Variants in GOSR2 observed in about 807,000 individuals in gnomAD.
GOSR2 encodes golgi SNAP receptor complex member 2, also known as 27 kDa Golgi SNARE protein.
Under a neutral mutation model 27.9 loss-of-function variants are expected in GOSR2, and 20 were observed. That is an observed-to-expected ratio of 0.72 (90% CI 0.50 to 1.04). The LOEUF is 1.04. Among genes scored for constraint, GOSR2 ranks in the 50% least tolerant of loss-of-function variants. The pLI is 0.00. For missense variants in GOSR2, 261 were observed against 270.5 expected (o/e 0.97, Z 0.25); for synonymous variants, 91 against 98.8 (o/e 0.92, Z 0.47).
At chr17:46,936,389 A>G (rs973444316) in intron 5 of GOSR2, 1 of 985,318 alleles carries the variant, frequency 1.0e-6, no homozygotes. Context: ...GCATCAGCAC[A>G]CCTCTTGCCA....
At chr17:46,947,346 C>T (rs898227556) in intron 6 of GOSR2, among the ~76,000 whole-genome samples, 3 of 152,174 alleles carry the variant, frequency 2.0e-5, no homozygotes, top group Non-Finnish European at 4.4e-5. Flanking sequence ...ACCTGAACTA[C>T]CCCTGCTCCC....
At chr17:46,932,631 A>C in intron 4 of GOSR2, 1 of 315,656 alleles carries the variant, frequency 3.2e-6, no homozygotes, top group Non-Finnish European at 5.9e-6. Context: ...GTGCATTAAG[A>C]TGTTTTTGCC....
At chr17:46,956,508 G>A (rs927639009) in intron 6 of GOSR2, among the ~76,000 whole-genome samples, 1 of 151,866 alleles carries the variant, frequency 6.6e-6, no homozygotes, top group Admixed American at 6.6e-5. Flanking sequence ...CTACTGGTTG[G>A]CCAGGCTAGT....
Position 46,940,927 on chromosome 17 carries a change from AGACCTTGGCCTAACAGTGT to A in GOSR2, c.*2171_*2189del. 2 of 1,306,614 alleles carry A rather than the reference AGACCTTGGCCTAACAGTGT, an allele frequency of 1.5e-6. No individual in the cohort carries two copies. The highest frequency in any genetic ancestry group is 2.0e-6 in the Non-Finnish European group (2 of 1,018,592). The allele number at this position is 1,306,614 out of a possible 1,614,324, so 80.9% of individuals were successfully genotyped here. On this transcript the variant is annotated 3_prime_UTR_variant, in exon 6 of 6. Coordinates refer to ENST00000640051, the MANE Select transcript of GOSR2 (RefSeq NM_004287.5). ...CTGCTTTCAGTGCCTGGTGAAAAAT[AGACCTTGGCCTAACAGTGT>A]GACTCTCTCCACCGCCTCAGTGTAG...
At chr17:46,954,236 T>A (rs181442125) in intron 6 of GOSR2, among the ~76,000 whole-genome samples, 1 of 152,354 alleles carries the variant, frequency 6.6e-6, no homozygotes, top group Non-Finnish European at 1.5e-5. Context: ...AGGGATCCAG[T>A]TTCAGCTTTC....
In GOSR2 at chr17:46,931,087, T is replaced by C; in HGVS notation, c.95-12T>C. 4 of 1,367,564 alleles carry C rather than the reference T, an allele frequency of 2.9e-6. No individual in the cohort carries two copies. The highest frequency in any genetic ancestry group is 4.2e-6 in the Non-Finnish European group (4 of 955,898). The allele number at this position is 1,367,564 out of a possible 1,614,324, so 84.7% of individuals were successfully genotyped here. A position where few individuals can be genotyped will look rare whatever the true frequency, so the allele number is the denominator to read the frequency against. ...CTTTTCCAGCAATTATTCTTTTTTC[T>C]TTTTTGTACAGTAGTAGAAAACGAA... is the stretch of plus-strand genomic sequence containing the variant. On this transcript the variant is annotated splice_polypyrimidine_tract_variant and intron_variant, in intron 2 of 5. Coordinates refer to ENST00000640051, the MANE Select transcript of GOSR2 (RefSeq NM_004287.5).
chr17:46,935,131 A>G lies in GOSR2; in HGVS notation c.439A>G (p.Ile147Val), dbSNP rs757363374. Reference sequence around the variant, plus strand: ...TGACCTCATTTTAGATGGGCACAATATTTTAGATGGACTGAGGACCCAGAG... The same window carrying G: ...TGACCTCATTTTAGATGGGCACAATGTTTTAGATGGACTGAGGACCCAGAG... ...MDDLILDGHN[I>V]LDGLRTQRLT... The change falls in exon 5 of 6, where the codon ATT (isoleucine) becomes GTT (valine). Residue 147 changes from isoleucine (I) to valine (V), a missense_variant. Physicochemically the swap from Ile to Val is conservative, Grantham distance 29. Transcript: ENST00000640051. 6.2e-7 allele frequency: 1 copy of G among 1,614,086 alleles called. No individual in the cohort carries two copies. Among genetic ancestry groups the G allele is most frequent in the South Asian group, 1.1e-5 (1 of 91,082 alleles).
chr17:46,927,582 G>T (rs927625712), intron 1 of GOSR2, among the ~76,000 whole-genome samples: 1 of 152,166 alleles, frequency 6.6e-6, no homozygotes, highest in African/African-American at 2.4e-5. Context: ...ACCTGAGGTG[G>T]CCTTTTTCTG....
chr17:46,929,619 T>C, intron 2 of GOSR2, 35 bp downstream of exon 2: 1 of 1,049,612 alleles, frequency 9.5e-7, no homozygotes, highest in Non-Finnish European at 1.5e-6. Context: ...GAGTCCTTTC[T>C]CTGATGACAG....
At chr17:46,961,694 AC>A (rs1306328743) in intron 6 of GOSR2, among the ~76,000 whole-genome samples, 2 of 152,228 alleles carry the variant, frequency 1.3e-5, no homozygotes, top group African/African-American at 4.8e-5. Context: ...TATGATGTGT[AC>A]CTAAAATATA....
intron 6 of GOSR2, among the ~76,000 whole-genome samples, chr17:46,958,952 G>A (rs977648849): frequency 6.6e-6 from 1 of 152,212 alleles, no homozygotes; most frequent in African/African-American, 2.4e-5. Context: ...AGCATGAGAT[G>A]GGAAATGCTT....
At chr17:46,946,398 T>C (rs1599125301), downstream of GOSR2, among the ~76,000 whole-genome samples, 1 of 141,362 alleles carries the variant, frequency 7.1e-6, no homozygotes, top group Admixed American at 7.1e-5. Context: ...GAGGCGGAGG[T>C]TGCAGTGAGC....
chr17:46,925,691 T>A (rs996958514), intron 1 of GOSR2, among the ~76,000 whole-genome samples: 2 of 152,188 alleles, frequency 1.3e-5, no homozygotes, highest in Non-Finnish European at 2.9e-5. Context: ...TGTAGCTGAG[T>A]TGACACAACA....
chr17:46,930,936 T>C (rs2087273255), intron 2 of GOSR2, 163 bp from the exon 3 acceptor site: 1 of 632,814 alleles, frequency 1.6e-6, no homozygotes. Context: ...ATTTACGGCC[T>C]AACTTGAATT....
At position 46,940,926 on chromosome 17, in the gene GOSR2, T is replaced by TA. The variant is rs1454997135; in HGVS notation, c.*2167dup. 1.5e-6 allele frequency: 2 copies of TA among 1,307,816 alleles called. No individual in the cohort carries two copies. Among genetic ancestry groups the TA allele is most frequent in the Non-Finnish European group, 2.0e-6 (2 of 1,019,448 alleles). The allele number at this position is 1,307,816 out of a possible 1,614,324, so 81.0% of individuals were successfully genotyped here. A position where few individuals can be genotyped will look rare whatever the true frequency, so the allele number is the denominator to read the frequency against. The stretch of plus-strand genomic sequence containing the variant: ...TCTGCTTTCAGTGCCTGGTGAAAAA[T>TA]AGACCTTGGCCTAACAGTGTGACTC... On this transcript the variant is annotated 3_prime_UTR_variant, in exon 6 of 6. Coordinates refer to ENST00000640051, the MANE Select transcript of GOSR2 (RefSeq NM_004287.5).
rs1321647935 is a variant in GOSR2 at position 46,938,783 on chromosome 17, A to ACGTT, written c.*24_*25insGTTC. On this transcript the variant is annotated 3_prime_UTR_variant, in exon 6 of 6. Coordinates refer to ENST00000640051, the MANE Select transcript of GOSR2 (RefSeq NM_004287.5). ...TGAGCCAGCCACGCTCAGTGGCTGA[A>ACGTT]CAGCATTCCCACAGCCTGCAAGTGT... 6.2e-7 allele frequency: 1 copy of ACGTT among 1,613,372 alleles called. No individual in the cohort carries two copies. The highest frequency in any genetic ancestry group is 8.5e-7 in the Non-Finnish European group (1 of 1,179,952).
At position 46,940,142 on chromosome 17, in the gene GOSR2, T is replaced by C; in HGVS notation, c.*1382T>C. ...CCTCTCTTGTTCCCCTCCCCGCTGCTCTGTAGTCATGTTGGTCCTTTCAGG... is the reference window on the plus strand; with the variant it reads ...CCTCTCTTGTTCCCCTCCCCGCTGCCCTGTAGTCATGTTGGTCCTTTCAGG... On this transcript the variant is annotated 3_prime_UTR_variant, in exon 6 of 6. Transcript: ENST00000640051. 3.1e-6 allele frequency: 4 copies of C among 1,293,220 alleles called. No individual in the cohort carries two copies. Among genetic ancestry groups the C allele is most frequent in the Non-Finnish European group, 3.9e-6 (4 of 1,015,140 alleles). 80.1% of individuals were successfully genotyped at this position (1,293,220 alleles called of 1,614,324 possible).
chr17:46,927,200 C>T (rs2086624479), intron 1 of GOSR2, among the ~76,000 whole-genome samples: 1 of 151,928 alleles, frequency 6.6e-6, no homozygotes, highest in Admixed American at 6.5e-5. Flanking sequence ...CTGTCATTTG[C>T]CCTTTTTTCA....
chr17:46,974,371 A>AT lies in GOSR2; in HGVS notation c.616-825dup, dbSNP rs1270691674. ...GACAAGATCAGTAAACAGAATCTTA[A>AT]TTTCCTCTCCTATAAACAGGAAATT... On this transcript the variant is annotated intron_variant, in intron 6 of 6. Transcript: ENST00000640723. Among the ~76,000 whole-genome samples the AT allele has an allele frequency of 9.2e-5, 14 of 152,300 alleles. No individual in the cohort carries two copies. In the East Asian group the frequency reaches 2.7e-3, roughly 29 times the overall value.
Sources: gnomAD v4.1 joint callset for allele counts (sites outside exome capture counted in the v4.1 genomes callset) on GRCh38, gnomAD v4.1.1 for gene constraint, MANE v1.5 for transcripts, NCBI Gene and HGNC (gene_info 2026-07-23, HGNC 2026-07-21) for gene names.